Variants in HDAC5 observed in about 807,000 individuals in gnomAD.
HDAC5 encodes the protein antigen NY-CO-9.
In HDAC5, 25 loss-of-function variants were observed where a neutral mutation model predicts 133.3. The ratio of observed to expected loss-of-function variants is 0.19; its 90% CI spans 0.14 to 0.26. HDAC5 has a LOEUF of 0.26. Ranked by LOEUF, HDAC5 falls within the 10% of genes least tolerant of loss-of-function variation. The probability of loss-of-function intolerance (pLI) is 1.00; values close to 1 mark genes in which losing one functional copy is unlikely to be tolerated. For missense variants in HDAC5, 1,041 were observed against 1,460.5 expected (o/e 0.71, Z 4.68); for synonymous variants, 589 against 610.8 (o/e 0.96, Z 0.53).
intron 12 of HDAC5, among the ~76,000 whole-genome samples, chr17:44,088,155 G>T (rs765527882): frequency 6.6e-6 from 1 of 152,138 alleles, no homozygotes; most frequent in African/African-American, 2.4e-5. Flanking sequence ...ATTATTATAG[G>T]TGCCTACCAC....
rs998890543 is a variant in HDAC5 at position 44,091,547 on chromosome 17, G to C, written c.1165-55C>G. 35 of 1,500,362 alleles carry C rather than the reference G, an allele frequency of 2.3e-5. No individual in the cohort carries two copies. In the Admixed American group the frequency reaches 4.7e-4, roughly 20 times the overall value. The allele number at this position is 1,500,362 out of a possible 1,614,324, so 92.9% of individuals were successfully genotyped here. On this transcript the variant is annotated intron_variant, in intron 10 of 26. Coordinates refer to ENST00000682912, the MANE Select transcript of HDAC5 (RefSeq NM_005474.5). ...CCTCAGTCCTGCCAACTTTGGACTA[G>C]CATCCCCATCTACCCACTATCTACC...
chr17:44,122,485 CACTG>C (rs1237806694), intron 1 of HDAC5, among the ~76,000 whole-genome samples: 2 of 152,146 alleles, frequency 1.3e-5, no homozygotes, highest in African/African-American at 4.8e-5. Flanking sequence ...GCATGGTGGT[CACTG>C]ACTGAGTGAT....
intron 13 of HDAC5, among the ~76,000 whole-genome samples, chr17:44,087,181 C>T (rs1054524385): frequency 6.6e-6 from 1 of 151,782 alleles, no homozygotes; most frequent in African/African-American, 2.4e-5. Context: ...GTATCACAGA[C>T]ACAGGGAGGG....
Position 44,092,807 on chromosome 17 carries a change from CTGGGGTGGGGG to C in HDAC5, c.642-12_642-2del. The stretch of plus-strand genomic sequence containing the variant: ...GTCCAAAGAAGCATGGTGGGCTCCC[CTGGGGTGGGGG>C]GGGGGTGGGGATGGAAGCAGATCTA... On this transcript the variant is annotated splice_acceptor_variant and splice_polypyrimidine_tract_variant and intron_variant, in intron 6 of 26. Coordinates refer to ENST00000682912, the MANE Select transcript of HDAC5 (RefSeq NM_005474.5). LOFTEE classifies it high-confidence loss of function. 2 of 751,142 alleles carry C rather than the reference CTGGGGTGGGGG, an allele frequency of 2.7e-6. No individual in the cohort carries two copies. Among genetic ancestry groups the C allele is most frequent in the Non-Finnish European group, 3.8e-6 (2 of 529,438 alleles). 46.5% of individuals were successfully genotyped at this position (751,142 alleles called of 1,614,324 possible).
chr17:44,111,167 T>C, intron 2 of HDAC5: 1 of 367,278 alleles, frequency 2.7e-6, no homozygotes, highest in Non-Finnish European at 5.4e-6. Flanking sequence ...GCAGGCGGGC[T>C]CTGTGTTCCC....
At position 44,117,882 on chromosome 17, in the gene HDAC5, T is replaced by C. The variant is rs1424231266; in HGVS notation, c.-189-178A>G. ...GACCCTGGTTTCTTATCTTACTAAC[T>C]GATGAGGCTCCCAGAGCCCAAGGGA... On this transcript the variant is annotated intron_variant, in intron 1 of 26. Coordinates refer to ENST00000682912, the MANE Select transcript of HDAC5 (RefSeq NM_005474.5). This position sits in a 1 kb window ranked among gnomAD's most constrained non-coding sequence, Gnocchi z 4.2. Among the ~76,000 whole-genome samples the C allele has an allele frequency of 1.3e-5, 2 of 152,146 alleles. No individual in the cohort carries two copies. Among genetic ancestry groups the C allele is most frequent in the Non-Finnish European group, 2.9e-5 (2 of 68,008 alleles).
rs778683053 is a variant in HDAC5 at position 44,080,092 on chromosome 17, C to T, written c.2944+15G>A. 1.9e-6 allele frequency: 3 copies of T among 1,560,820 alleles called. No individual in the cohort carries two copies. The highest frequency in any genetic ancestry group is 1.7e-4 in the Middle Eastern group (1 of 5,962). ...CACTGTTTCACTTCCTCCCTCAATC[C>T]CCCAGCAGGCTTACATCTGGCGGTG... On this transcript the variant is annotated intron_variant, in intron 23 of 26. Coordinates refer to ENST00000682912, the MANE Select transcript of HDAC5 (RefSeq NM_005474.5).
Position 44,092,543 on chromosome 17 carries a change from C to G in HDAC5, c.773-16G>C. The G allele has an allele frequency of 6.2e-7, 1 of 1,609,630 alleles. No homozygotes were observed. Among genetic ancestry groups the G allele is most frequent in the African/African-American group, 1.3e-5 (1 of 74,926 alleles). On this transcript the variant is annotated splice_polypyrimidine_tract_variant and intron_variant, in intron 7 of 26. Coordinates refer to ENST00000682912, the MANE Select transcript of HDAC5 (RefSeq NM_005474.5). ...GGTTCAGAGGCTGGAGAGAAGGTAA[C>G]CGAGGTTCAGATACGCGCACAGCAG...
At chr17:44,085,247 T>C in intron 14 of HDAC5, 92 bp from the exon 15 acceptor site, 1 of 1,332,382 alleles carries the variant, frequency 7.5e-7, no homozygotes, top group Admixed American at 2.4e-5. Context: ...CATGGAGCTG[T>C]CTCCAACCCC....
intron 2 of HDAC5, among the ~76,000 whole-genome samples, chr17:44,114,217 G>A (rs2052507480): frequency 6.6e-6 from 1 of 152,254 alleles, no homozygotes; most frequent in Non-Finnish European, 1.5e-5. Context: ...TCTGCAGTGA[G>A]CACAGAGGTG....
At chr17:44,087,795 A>C in intron 12 of HDAC5, 99 bp from the exon 13 acceptor site, 2 of 1,377,756 alleles carry the variant, frequency 1.5e-6, no homozygotes, top group Non-Finnish European at 1.9e-6. Flanking sequence ...CCCTTCTTCC[A>C]GGTAGAGCTT....
intron 3 of HDAC5, among the ~76,000 whole-genome samples, chr17:44,105,614 C>T (rs1466623103): frequency 1.3e-5 from 2 of 152,224 alleles, no homozygotes; most frequent in African/African-American, 4.8e-5. Flanking sequence ...GCACCCTGCC[C>T]ACCTGGCTGC....
In HDAC5 at chr17:44,115,721, A is replaced by G. The variant is rs543689096; in HGVS notation, c.22+1773T>C. Reference sequence around the variant, plus strand: ...TCCAAAGCCTCTCAACAATCCTAAAATGAGGTTCCCAATCCCTGGCCCCCT... The same window carrying G: ...TCCAAAGCCTCTCAACAATCCTAAAGTGAGGTTCCCAATCCCTGGCCCCCT... On this transcript the variant is annotated intron_variant, in intron 2 of 26. Coordinates refer to ENST00000682912, the MANE Select transcript of HDAC5 (RefSeq NM_005474.5). Among the ~76,000 whole-genome samples, 8 of 152,246 alleles carry G rather than the reference A, an allele frequency of 5.3e-5. No individual in the cohort carries two copies. The East Asian group carries it at 1.5e-3, about 29-fold the overall frequency.
intron 1 of HDAC5, among the ~76,000 whole-genome samples, chr17:44,122,367 C>G (rs73314435): frequency 8.8e-4 from 134 of 152,196 alleles, no homozygotes; most frequent in African/African-American, 2.9e-3. Context: ...CCCTCCCCCC[C>G]ACCTCCTTTT....
At chr17:44,086,353 C>T (rs1451183481) in intron 14 of HDAC5, among the ~76,000 whole-genome samples, 3 of 152,184 alleles carry the variant, frequency 2.0e-5, no homozygotes, top group African/African-American at 4.8e-5. Flanking sequence ...CTTCCTTCAG[C>T]GGGGTGAGAA....
intron 2 of HDAC5, chr17:44,111,460 G>T: frequency 2.4e-6 from 1 of 418,260 alleles, no homozygotes; most frequent in Non-Finnish European, 4.8e-6. Flanking sequence ...GCTGGGCTGG[G>T]GAAGGGCGCC....
At chr17:44,087,831 T>C (rs925348808) in intron 12 of HDAC5, 135 bp from the exon 13 acceptor site, 4 of 1,141,780 alleles carry the variant, frequency 3.5e-6, no homozygotes, top group Non-Finnish European at 4.7e-6. Flanking sequence ...AAAGGTGAGG[T>C]AGCTCCTCTG....
At chr17:44,094,488 T>A (rs2051133810) in intron 3 of HDAC5, among the ~76,000 whole-genome samples, 1 of 151,462 alleles carries the variant, frequency 6.6e-6, no homozygotes, top group African/African-American at 2.4e-5. Flanking sequence ...ACAAAAAAAA[T>A]TAGCTGGGCG....
intron 3 of HDAC5, among the ~76,000 whole-genome samples, chr17:44,106,361 G>A (rs1838427444): frequency 1.3e-5 from 2 of 152,140 alleles, no homozygotes; most frequent in Admixed American, 1.3e-4. Flanking sequence ...AACCCCAGGA[G>A]GCCCCCAAGG....
Sources: gnomAD v4.1 joint callset for allele counts (sites outside exome capture counted in the v4.1 genomes callset) on GRCh38, gnomAD v4.1.1 for gene constraint, Gnocchi (gnomAD v3.1) non-coding constraint, MANE v1.5 for transcripts, NCBI Gene and HGNC (gene_info 2026-07-23, HGNC 2026-07-21) for gene names.